NEK6: variants seen among roughly 807,000 people sequenced by gnomAD.
The protein encoded by NEK6 is serine/threonine-protein kinase Nek6.
A neutral mutation model predicts 43.5 loss-of-function variants in NEK6; 27 were observed. The ratio of observed to expected loss-of-function variants is 0.62; its 90% CI spans 0.46 to 0.86. The LOEUF is 0.86. Ranked by LOEUF, NEK6 falls within the 40% of genes least tolerant of loss-of-function variation. The probability of loss-of-function intolerance (pLI) is 0.00; values close to 1 mark genes in which losing one functional copy is unlikely to be tolerated. For synonymous variants in NEK6, 167 were observed against 164.1 expected (o/e 1.02, Z -0.14); for missense variants, 318 against 414.4 (o/e 0.77, Z 2.02).
chr9:124,331,979 C>T (rs535380841), intron 7 of NEK6, among the ~76,000 whole-genome samples: 5 of 152,342 alleles, frequency 3.3e-5, no homozygotes, highest in African/African-American at 1.2e-4. Flanking sequence ...TGAGTTTCAG[C>T]CGAGGTTCTG....
At chr9:124,287,355 C>T (rs775312394) in intron 1 of NEK6, among the ~76,000 whole-genome samples, 1 of 152,354 alleles carries the variant, frequency 6.6e-6, no homozygotes, top group Admixed American at 6.5e-5. Context: ...TAGGCAGACA[C>T]GGGGCCGAGC....
At position 124,278,332 on chromosome 9, in the gene NEK6, G is replaced by A. The variant is rs549496223; in HGVS notation, c.-30+20247G>A. 2.0e-5 allele frequency among the ~76,000 whole-genome samples: 3 copies of A among 152,338 alleles called. No homozygotes were observed. In the East Asian group the frequency reaches 5.8e-4, roughly 29 times the overall value. ...CCCTGTCGCTAAGCGATGTGTGACT[G>A]TTTATATCTGTGGTACTTTGTAGGC... On this transcript the variant is annotated intron_variant, in intron 1 of 9. Transcript: ENST00000320246.
intron 8 of NEK6, among the ~76,000 whole-genome samples, chr9:124,344,343 CCT>C (rs1031058305): frequency 3.3e-5 from 5 of 152,206 alleles, no homozygotes; most frequent in Non-Finnish European, 7.3e-5. Context: ...TCCCCCATAC[CCT>C]CTCTCACACT....
intron 6 of NEK6, 60 bp from the exon 7 acceptor site, chr9:124,327,278 C>A: frequency 7.2e-7 from 1 of 1,395,238 alleles, no homozygotes; most frequent in Non-Finnish European, 1.0e-6. Flanking sequence ...TTCCTCTCGT[C>A]CTGCCCCACC....
At position 124,351,148 on chromosome 9, in the gene NEK6, C is replaced by G; in HGVS notation, c.*201C>G. On this transcript the variant is annotated 3_prime_UTR_variant, in exon 10 of 10. Coordinates refer to ENST00000320246, the MANE Select transcript of NEK6 (RefSeq NM_014397.6). ...GCGCTGGCCACATGTCACTGATGGT[C>G]AGATTCCAAAGTCCTTTCTTTATAC... 1.8e-6 allele frequency: 1 copy of G among 541,280 alleles called. No individual in the cohort carries two copies. The highest frequency in any genetic ancestry group is 2.1e-5 in the South Asian group (1 of 47,084). 33.5% of individuals were successfully genotyped at this position (541,280 alleles called of 1,614,324 possible).
chr9:124,303,484 C>T, intron 2 of NEK6, among the ~76,000 whole-genome samples: 1 of 152,234 alleles, frequency 6.6e-6, no homozygotes, highest in Admixed American at 6.5e-5. Flanking sequence ...TATCACCAAG[C>T]CATGCTCCCT....
rs551039077 is a variant in NEK6, at chr9:124,283,834, G to T, written c.-29-18102G>T. Among the ~76,000 whole-genome samples the T allele has an allele frequency of 2.6e-5, 4 of 152,332 alleles. No homozygotes were observed. In the East Asian group the frequency reaches 7.7e-4, roughly 29 times the overall value. On this transcript the variant is annotated intron_variant, in intron 1 of 9. Coordinates refer to ENST00000320246, the MANE Select transcript of NEK6 (RefSeq NM_014397.6). ...ATCCCATGCCCCAGGTAGACTGCAC[G>T]CACATTTTCTTGTGTTTCCACACCC...
intron 1 of NEK6, among the ~76,000 whole-genome samples, chr9:124,291,625 T>A (rs984119177): frequency 6.7e-6 from 1 of 148,974 alleles, no homozygotes; most frequent in African/African-American, 2.4e-5. Flanking sequence ...AAACTCCATC[T>A]CAAATAAATA....
At position 124,278,689 on chromosome 9, in the gene NEK6, C is replaced by T. The variant is rs561002023; in HGVS notation, c.-30+20604C>T. Among the ~76,000 whole-genome samples the T allele has an allele frequency of 6.6e-5, 10 of 152,304 alleles. No individual in the cohort carries two copies. In the East Asian group the frequency reaches 1.7e-3, roughly 26 times the overall value. On this transcript the variant is annotated intron_variant, in intron 1 of 9. Transcript: ENST00000320246. ...GCGCATGAGGGTGGGGAGACGCATG[C>T]GTCAGATACCGGCTGGATGACTTCA...
At chr9:124,301,649 G>A (rs181451206) in intron 1 of NEK6, among the ~76,000 whole-genome samples, 22 of 152,268 alleles carry the variant, frequency 1.4e-4, no homozygotes, top group Admixed American at 1.3e-3. Flanking sequence ...GGTTGAATCC[G>A]GTGTCTTCCT....
At chr9:124,344,597 G>A (rs895790886) in intron 8 of NEK6, among the ~76,000 whole-genome samples, 13 of 152,238 alleles carry the variant, frequency 8.5e-5, no homozygotes, top group African/African-American at 2.9e-4. Flanking sequence ...TTGGGATATC[G>A]GAAGGCCGGG....
chr9:124,332,482 G>A (rs1184326957), intron 7 of NEK6, among the ~76,000 whole-genome samples: 1 of 152,152 alleles, frequency 6.6e-6, no homozygotes, highest in Non-Finnish European at 1.5e-5. Context: ...TGTCACTGCT[G>A]TCCCCACCTG....
chr9:124,282,209 CCTGCCGTGCCTTTTTCTGGCTT>C (rs1243146941), intron 1 of NEK6, among the ~76,000 whole-genome samples: 1 of 152,228 alleles, frequency 6.6e-6, no homozygotes, highest in Admixed American at 6.5e-5. Context: ...TGACAAAGCA[CCTGCCGTGCCTTTTTCTGGCTT>C]CTGGCAGGCG....
intron 1 of NEK6, among the ~76,000 whole-genome samples, chr9:124,271,150 T>C (rs573519502): frequency 6.6e-6 from 1 of 152,384 alleles, no homozygotes; most frequent in African/African-American, 2.4e-5. Context: ...AGACACACCA[T>C]GGTCAGCCCT....
chr9:124,263,859 G>A (rs541779064), intron 1 of NEK6, among the ~76,000 whole-genome samples: 3 of 152,348 alleles, frequency 2.0e-5, no homozygotes, highest in South Asian at 2.1e-4. Flanking sequence ...ATCTGCTCTC[G>A]TTCCCACCTG....
chr9:124,324,029 CCT>C lies in NEK6; in HGVS notation c.406-2295_406-2294del, dbSNP rs762249112. Among the ~76,000 whole-genome samples the C allele has an allele frequency of 5.1e-4, 77 of 152,218 alleles. No homozygotes were observed. The highest frequency in any genetic ancestry group is 5.7e-4 in the Non-Finnish European group (39 of 68,006). On this transcript the variant is annotated intron_variant, in intron 5 of 9. Coordinates refer to ENST00000320246, the MANE Select transcript of NEK6 (RefSeq NM_014397.6). The surrounding 1 kb of genome is among the most constrained non-coding windows in gnomAD (Gnocchi z 5.3). ...ATGGTTCCCCCTCCCACAGTCCCCA[CCT>C]CTCTCCCCCCACTGTCCCTGCCTGC...
chr9:124,258,208 G>T (rs866223325), intron 1 of NEK6, 123 bp downstream of exon 1: 11 of 976,430 alleles, frequency 1.1e-5, no homozygotes, highest in African/African-American at 5.3e-5. Flanking sequence ...ACGGCTCCGC[G>T]GGGGAGAGCG....
intron 1 of NEK6, among the ~76,000 whole-genome samples, 169 bp from the exon 2 acceptor site, chr9:124,301,767 G>T (rs555571418): frequency 2.0e-5 from 3 of 152,146 alleles, no homozygotes; most frequent in Non-Finnish European, 4.4e-5. Context: ...TGTGTCACCC[G>T]GGGGTGTCAA....
chr9:124,288,439 C>T (rs1832256142), intron 1 of NEK6, among the ~76,000 whole-genome samples: 1 of 152,158 alleles, frequency 6.6e-6, no homozygotes, highest in South Asian at 2.1e-4. Flanking sequence ...CCCGCCCCCA[C>T]ACCCAGCTAA....
Sources: allele counts gnomAD v4.1 joint callset (sites outside exome capture counted in the v4.1 genomes callset), GRCh38; gene constraint gnomAD v4.1.1; non-coding constraint Gnocchi (gnomAD v3.1); transcripts MANE v1.5; gene names NCBI Gene and HGNC (gene_info 2026-07-23, HGNC 2026-07-21).